Variants in SART3 observed in about 807,000 individuals in gnomAD.
SART3 encodes the protein spliceosome associated factor 3, U4/U6 recycling protein, also known as HIV-1 Tat-interacting protein of 110kDa.
In SART3, 44 loss-of-function variants were observed where a neutral mutation model predicts 122.3. The ratio of observed to expected loss-of-function variants is 0.36; its 90% CI spans 0.28 to 0.46. The LOEUF is 0.46. Ranked by LOEUF, SART3 falls within the 20% of genes least tolerant of loss-of-function variation. The pLI, the probability that SART3 is intolerant of heterozygous loss-of-function variation, is 1.00. For missense variants in SART3, 1,101 were observed against 1,229.0 expected, an observed-to-expected ratio of 0.90 and a Z score of 1.56; for synonymous variants, 442 against 454.0, an observed-to-expected ratio of 0.97 and a Z score of 0.34.
rs1284473986 is a variant in SART3 at position 108,531,254 on chromosome 12, C to T, written c.1696G>A (p.Val566Ile). ...GCTAATCGGGTTTCAGTTTTCTGAA[C>T]AGCTATATCCCAATCTTCTAAAGAA... The part of the protein sequence containing the change: ...EGSLEDWDIA[V>I]QKTETRLARV... The change falls in exon 14 of 19, where the codon GTT (valine) becomes ATT (isoleucine). Residue 566 changes from valine (V) to isoleucine (I), a missense_variant. By Grantham distance (29) the Val-to-Ile change is conservative (BLOSUM62 3). This residue lies in a region of SART3 where 885 missense variants were observed against 1,080.1 expected (regional missense o/e 0.82). Transcript: ENST00000546815. 1.2e-6 allele frequency: 2 copies of T among 1,613,872 alleles called. No individual in the cohort carries two copies. Among genetic ancestry groups the T allele is most frequent in the Admixed American group, 3.3e-5 (2 of 60,024 alleles).
rs147128594 is a variant in SART3 at position 108,535,394 on chromosome 12, G to A, written c.1521C>T (p.Tyr507=). The change falls in exon 12 of 19, where the codon TAC becomes TAT. Residue 507 remains tyrosine (Y), a synonymous_variant. Coordinates refer to ENST00000546815, the MANE Select transcript of SART3 (RefSeq NM_014706.4). ...TGTAATACTCTAGCCACATGTTGGC[G>A]TACTTGGCATTTCCTCTGGTCATGA... The part of the protein sequence containing the change: ...DSIMTRGNAK[Y]ANMWLEYYNL... 4.1e-5 allele frequency: 66 copies of A among 1,613,964 alleles called. No homozygotes were observed. Among genetic ancestry groups the A allele is most frequent in the African/African-American group, 2.1e-4 (16 of 74,980 alleles).
chr12:108,534,291 G>GA (rs1359500248), intron 12 of SART3, among the ~76,000 whole-genome samples: 1 of 152,034 alleles, frequency 6.6e-6, no homozygotes, highest in Non-Finnish European at 1.5e-5. Flanking sequence ...TTTAAGAGTG[G>GA]AAAATGGATC....
intron 13 of SART3, 185 bp from the exon 14 acceptor site, chr12:108,531,465 C>A: frequency 1.7e-6 from 1 of 591,312 alleles, no homozygotes; most frequent in Non-Finnish European, 3.0e-6. Flanking sequence ...TAAAATGTCC[C>A]TCTCCTTTCA....
intron 6 of SART3, among the ~76,000 whole-genome samples, chr12:108,542,172 TTGAA>T (rs148463100): frequency 2.0e-3 from 302 of 152,218 alleles, no homozygotes; most frequent in African/African-American, 6.8e-3. Context: ...GCACAAAAAT[TTGAA>T]TGGCCAATCC....
At chr12:108,557,710 T>G (rs1238704637) in intron 1 of SART3, among the ~76,000 whole-genome samples, 1 of 152,234 alleles carries the variant, frequency 6.6e-6, no homozygotes, top group Admixed American at 6.5e-5. Context: ...ATGGAAGGCT[T>G]GGGTTCAGGG....
rs917319455 is a variant in SART3 at position 108,523,884 on chromosome 12, T to G, written c.2715-250A>C. 1.0e-4 allele frequency: 60 copies of G among 596,678 alleles called. 1 individual carries two copies. The highest frequency in any genetic ancestry group is 1.7e-4 in the Non-Finnish European group (58 of 338,076). 37.0% of individuals were successfully genotyped at this position (596,678 alleles called of 1,614,324 possible). ...CACACTCAGAGGGGATCAGTGTGAC[T>G]ATCACCTCTCAGACCTCACCAGTCA... On this transcript the variant is annotated intron_variant, in intron 18 of 18. Coordinates refer to ENST00000546815, the MANE Select transcript of SART3 (RefSeq NM_014706.4).
chr12:108,550,813 G>C (rs1287490756), intron 1 of SART3, among the ~76,000 whole-genome samples: 1 of 152,118 alleles, frequency 6.6e-6, no homozygotes, highest in Non-Finnish European at 1.5e-5. Context: ...AGTGAGCAGA[G>C]ATCCAGCCTG....
intron 12 of SART3, among the ~76,000 whole-genome samples, chr12:108,534,246 C>T (rs1213494899): frequency 6.6e-6 from 1 of 152,048 alleles, no homozygotes. Context: ...ATAGATATAA[C>T]TCACATACAT....
At chr12:108,532,556 G>C in intron 12 of SART3, 1 of 494,580 alleles carries the variant, frequency 2.0e-6, no homozygotes, top group Non-Finnish European at 3.7e-6. Context: ...CCATGTAGGG[G>C]CTACTGGAAA....
intron 15 of SART3, among the ~76,000 whole-genome samples, chr12:108,529,784 A>C (rs2111953): frequency 0.79 from 119,724 of 151,734 alleles, 47,823 homozygotes; most frequent in East Asian, 0.92. Context: ...CTGCCCCCTT[A>C]CAAGACTGCA....
chr12:108,534,552 C>T (rs558114797), intron 12 of SART3, among the ~76,000 whole-genome samples: 38 of 151,532 alleles, frequency 2.5e-4, no homozygotes, highest in South Asian at 2.1e-3. Context: ...TGGTGGTGCA[C>T]GCCTGTAATC....
chr12:108,532,528 A>T, intron 12 of SART3, 194 bp from the exon 13 acceptor site: 2 of 554,276 alleles, frequency 3.6e-6, no homozygotes, highest in Non-Finnish European at 6.6e-6. Context: ...TATTTCCCTG[A>T]AGCACTCTCT....
At chr12:108,536,641 A>G (rs1872917334) in intron 10 of SART3, 67 bp downstream of exon 10, 1 of 1,605,588 alleles carries the variant, frequency 6.2e-7, no homozygotes, top group East Asian at 2.2e-5. Context: ...GAAAAGGTAC[A>G]TCAACCAGGA....
At position 108,523,218 on chromosome 12, in the gene SART3, A is replaced by G. The variant is rs1452081732; in HGVS notation, c.*239T>C. ...TTAAGATACAAAACTATCTCAGGAC[A>G]CCACATCCTGGGCCCAGCCTGCAGA... On this transcript the variant is annotated 3_prime_UTR_variant, in exon 19 of 19. Coordinates refer to ENST00000546815, the MANE Select transcript of SART3 (RefSeq NM_014706.4). 1.7e-6 allele frequency: 1 copy of G among 591,686 alleles called. No individual in the cohort carries two copies. The highest frequency in any genetic ancestry group is 3.0e-6 in the Non-Finnish European group (1 of 331,200). 36.7% of individuals were successfully genotyped at this position (591,686 alleles called of 1,614,324 possible). A position where few individuals can be genotyped will look rare whatever the true frequency, so the allele number is the denominator to read the frequency against.
chr12:108,560,505 G>A, intron 1 of SART3: 1 of 399,560 alleles, frequency 2.5e-6, no homozygotes, highest in Non-Finnish European at 4.4e-6. Flanking sequence ...GGTTAAGAGT[G>A]GGAGTTCTGG....
intron 12 of SART3, among the ~76,000 whole-genome samples, chr12:108,533,922 A>C (rs1047308538): frequency 2.6e-5 from 4 of 152,226 alleles, no homozygotes; most frequent in Non-Finnish European, 5.9e-5. Flanking sequence ...TATGTATGAA[A>C]GAAGAATACC....
rs1173980471 is a variant in SART3, at chr12:108,547,906, T to C, written c.525A>G (p.Lys175=). 6.2e-7 allele frequency: 1 copy of C among 1,613,668 alleles called. No homozygotes were observed. The highest frequency in any genetic ancestry group is 1.1e-5 in the South Asian group (1 of 91,076). ...DREHVYDLFE[K]AVKDYICPNI... ...ACTTACAAATGTAATCCTTCACGGC[T>C]TTCTCAAAGAGGTCATACACGTGCT... The change falls in exon 3 of 19, where the codon AAA becomes AAG. Residue 175 remains lysine (K), a synonymous_variant. Transcript: ENST00000546815.
chr12:108,542,824 A>G (rs891806848), intron 6 of SART3: 1 of 714,332 alleles, frequency 1.4e-6, no homozygotes, highest in African/African-American at 1.7e-5. Flanking sequence ...GAGACTTCTA[A>G]GGTACTGGCA....
Position 108,535,480 on chromosome 12 carries a change from C to T in SART3, c.1447-12G>A. 4 of 1,609,504 alleles carry T rather than the reference C, an allele frequency of 2.5e-6. No homozygotes were observed. Among genetic ancestry groups the T allele is most frequent in the Non-Finnish European group, 3.4e-6 (4 of 1,175,776 alleles). On this transcript the variant is annotated splice_polypyrimidine_tract_variant and intron_variant, in intron 11 of 18. Transcript: ENST00000546815. ...TTGCACAGTCGAGCCTAAAGTGCAT[C>T]AGCAGGCTGTTAGGAGACCTGAACC...
Sources: gnomAD v4.1 joint callset for allele counts (sites outside exome capture counted in the v4.1 genomes callset) on GRCh38, gnomAD v4.1.1 for gene constraint, gnomAD v4.1.1 regional missense constraint, MANE v1.5 for transcripts, NCBI Gene and HGNC (gene_info 2026-07-23, HGNC 2026-07-21) for gene names.